KCNMA1: variants seen among roughly 807,000 people sequenced by gnomAD.
The protein encoded by KCNMA1 is potassium calcium-activated channel subfamily M alpha 1.
A neutral mutation model predicts 140.0 loss-of-function variants in KCNMA1; 29 were observed. The ratio of observed to expected loss-of-function variants is 0.21; its 90% CI spans 0.15 to 0.28. KCNMA1 has a LOEUF of 0.28. Among genes scored for constraint, KCNMA1 ranks in the 10% least tolerant of loss-of-function variants. The pLI, the probability that KCNMA1 is intolerant of heterozygous loss-of-function variation, is 1.00. For missense variants in KCNMA1, 880 were observed against 1,602.2 expected (o/e 0.55, Z 7.70); for synonymous variants, 612 against 611.9 (o/e 1.00, Z 0.00).
At chr10:77,178,482 A>G (rs1323928230) in intron 5 of KCNMA1, among the ~76,000 whole-genome samples, 2 of 152,090 alleles carry the variant, frequency 1.3e-5, no homozygotes, top group East Asian at 3.9e-4. Context: ...TGAGGCGGGT[A>G]GATCACCTGA....
At chr10:76,908,912 T>C (rs1367505476) in intron 25 of KCNMA1, among the ~76,000 whole-genome samples, 1 of 152,264 alleles carries the variant, frequency 6.6e-6, no homozygotes, top group African/African-American at 2.4e-5. Flanking sequence ...CTTTTGCCTT[T>C]TGCAGTGAAA....
intron 1 of KCNMA1, among the ~76,000 whole-genome samples, chr10:77,456,969 G>A (rs1337523001): frequency 6.6e-6 from 1 of 152,194 alleles, no homozygotes; most frequent in African/African-American, 2.4e-5. Context: ...TGGATTACTG[G>A]TTATTGATTA....
intron 5 of KCNMA1, among the ~76,000 whole-genome samples, chr10:77,176,217 A>G (rs772252671): frequency 4.6e-5 from 7 of 152,324 alleles, no homozygotes; most frequent in Admixed American, 1.3e-4. Context: ...CGCTTCCCTT[A>G]GGAAAATGGT....
chr10:77,540,046 T>C (rs1237453577), intron 1 of KCNMA1, among the ~76,000 whole-genome samples: 1 of 152,168 alleles, frequency 6.6e-6, no homozygotes, highest in Non-Finnish European at 1.5e-5. Flanking sequence ...CCTACCTCCA[T>C]CTGGACCATC....
intron 1 of KCNMA1, among the ~76,000 whole-genome samples, chr10:77,606,274 C>T (rs570722858): frequency 6.6e-6 from 1 of 152,304 alleles, no homozygotes; most frequent in African/African-American, 2.4e-5. Flanking sequence ...ACAATCATTG[C>T]TGTACAAGCA....
intron 2 of KCNMA1, among the ~76,000 whole-genome samples, chr10:77,382,050 G>A (rs2095408294): frequency 6.6e-6 from 1 of 152,132 alleles, no homozygotes; most frequent in Non-Finnish European, 1.5e-5. Context: ...TCAGGAGGAG[G>A]CCCTTCATCT....
Position 76,966,702 on chromosome 10 carries a change from T to C in KCNMA1, c.2360+3272A>G, listed in dbSNP as rs553985194. ...AAACTACGGGAGGCTCCTTCAATAA[T>C]TCCACAGTAAGAGACCGGGAAGGAA... On this transcript the variant is annotated intron_variant, in intron 20 of 27. Coordinates refer to ENST00000286628, the MANE Select transcript of KCNMA1 (RefSeq NM_001161352.2). 8.5e-4 allele frequency among the ~76,000 whole-genome samples: 129 copies of C among 152,256 alleles called. 2 individuals carry two copies. The South Asian group carries it at 0.026, about 31-fold the overall frequency.
Position 77,073,193 on chromosome 10 carries a change from G to A in KCNMA1, c.1653C>T (p.Leu551=), listed in dbSNP as rs768361935. ...NWKEGDDAIC[L]AELKLGFIAQ... ...CTATGAAGCCCAACTTCAACTCTGC[G>A]AGGCAGATTGCGTCATCACCTTCTT... Residue 551 remains leucine, a synonymous_variant, in exon 14 of 28, where the codon CTC becomes CTT. Coordinates refer to ENST00000286628, the MANE Select transcript of KCNMA1 (RefSeq NM_001161352.2). 4.3e-6 allele frequency: 7 copies of A among 1,614,082 alleles called. No homozygotes were observed. The highest frequency in any genetic ancestry group is 4.0e-5 in the African/African-American group (3 of 74,942).
At chr10:77,037,598 G>C (rs2094420134) in intron 15 of KCNMA1, among the ~76,000 whole-genome samples, 1 of 152,156 alleles carries the variant, frequency 6.6e-6, no homozygotes, top group South Asian at 2.1e-4. Context: ...CCTGGGGGTT[G>C]GGGAGGGAGC....
chr10:77,241,912 T>C (rs1428377697), intron 3 of KCNMA1, among the ~76,000 whole-genome samples: 4 of 152,212 alleles, frequency 2.6e-5, no homozygotes, highest in Non-Finnish European at 5.9e-5. Flanking sequence ...AATATTCTTA[T>C]GGAAGAATTG....
intron 23 of KCNMA1, among the ~76,000 whole-genome samples, chr10:76,944,334 C>T (rs1234445522): frequency 1.3e-5 from 2 of 152,200 alleles, no homozygotes; most frequent in Non-Finnish European, 2.9e-5. Flanking sequence ...AGATTACCAT[C>T]CCTTGGTCAG....
chr10:77,088,990 G>A (rs1247998225), intron 10 of KCNMA1, among the ~76,000 whole-genome samples: 3 of 152,214 alleles, frequency 2.0e-5, no homozygotes, highest in South Asian at 4.1e-4. Context: ...CCCAACTCAT[G>A]TGGGGGCACA....
At chr10:77,183,300 T>C in intron 5 of KCNMA1, 121 bp downstream of exon 5, 2 of 739,918 alleles carry the variant, frequency 2.7e-6, no homozygotes, top group East Asian at 5.3e-5. Flanking sequence ...CAAGAGCCCG[T>C]TGTTCACATT....
At chr10:77,005,037 A>T (rs914334528) in intron 18 of KCNMA1, among the ~76,000 whole-genome samples, 1 of 152,184 alleles carries the variant, frequency 6.6e-6, no homozygotes, top group Non-Finnish European at 1.5e-5. Context: ...TTTCTTACGT[A>T]GTCACCCATT....
At chr10:77,068,023 T>C (rs982508074) in intron 14 of KCNMA1, among the ~76,000 whole-genome samples, 3 of 152,216 alleles carry the variant, frequency 2.0e-5, no homozygotes, top group African/African-American at 7.2e-5. Context: ...GTTTCTCACA[T>C]TTCCTTTCAG....
Position 77,558,974 on chromosome 10 carries a change from T to C in KCNMA1, c.378+78291A>G, listed in dbSNP as rs145034049. ...GCTGCTGGTACAACTTCCTGTAACATAGCAGTTGCAGTGAAGCTCCAGGGC... is the reference window on the plus strand; with the variant it reads ...GCTGCTGGTACAACTTCCTGTAACACAGCAGTTGCAGTGAAGCTCCAGGGC... On this transcript the variant is annotated intron_variant, in intron 1 of 27. Coordinates refer to ENST00000286628, the MANE Select transcript of KCNMA1 (RefSeq NM_001161352.2). Among the ~76,000 whole-genome samples, 296 of 149,784 alleles carry C rather than the reference T, an allele frequency of 2.0e-3. 1 individual carries two copies. The highest frequency in any genetic ancestry group is 4.9e-3 in the Admixed American group (74 of 15,134).
At chr10:77,315,589 A>G (rs756452617) in intron 2 of KCNMA1, 5 of 152,214 alleles carry the variant, frequency 3.3e-5, no homozygotes, top group Non-Finnish European at 5.9e-5. Context: ...GCATCAATTT[A>G]CTGGAGACAT....
chr10:77,180,537 A>G (rs1172518216), intron 5 of KCNMA1, among the ~76,000 whole-genome samples: 1 of 152,220 alleles, frequency 6.6e-6, no homozygotes, highest in Non-Finnish European at 1.5e-5. Flanking sequence ...ATATCCCAAA[A>G]GGTTATTGTT....
intron 5 of KCNMA1, among the ~76,000 whole-genome samples, chr10:77,164,444 G>A (rs2098609425): frequency 6.6e-6 from 1 of 152,078 alleles, no homozygotes; most frequent in South Asian, 2.1e-4. Context: ...TTCAAGGCAG[G>A]TGGCTATTTT....
Sources: allele counts gnomAD v4.1 joint callset (sites outside exome capture counted in the v4.1 genomes callset), GRCh38; gene constraint gnomAD v4.1.1; transcripts MANE v1.5; gene names NCBI Gene and HGNC (gene_info 2026-07-23, HGNC 2026-07-21).